AGBL4: variants seen among roughly 807,000 people sequenced by gnomAD.
The protein encoded by AGBL4 is AGBL carboxypeptidase 4, also known as cytosolic carboxypeptidase 6.
AGBL4 carries 58 observed loss-of-function variants against 66.4 expected under a neutral mutation model. That is an observed-to-expected ratio of 0.87 (90% CI 0.71 to 1.09). AGBL4 has a LOEUF of 1.09. Ranked by LOEUF, AGBL4 falls within the 50% of genes least tolerant of loss-of-function variation. AGBL4 has a pLI of 0.00. For synonymous variants in AGBL4, 234 were observed against 222.9 expected, an observed-to-expected ratio of 1.05 and a Z score of -0.44; for missense variants, 579 against 631.0, an observed-to-expected ratio of 0.92 and a Z score of 0.88.
chr1:49,517,621 A>C (rs1649939072), intron 3 of AGBL4, among the ~76,000 whole-genome samples: 1 of 151,994 alleles, frequency 6.6e-6, no homozygotes, highest in African/African-American at 2.4e-5. Context: ...TTAATAAAGC[A>C]CTACTACCTC....
At chr1:48,572,053 T>C (rs1399000183) in intron 11 of AGBL4, among the ~76,000 whole-genome samples, 2 of 152,010 alleles carry the variant, frequency 1.3e-5, no homozygotes, top group Non-Finnish European at 1.5e-5. Flanking sequence ...ATCTGAACTA[T>C]GGTATGAGGA....
chr1:49,435,174 T>C (rs113631087), intron 3 of AGBL4, among the ~76,000 whole-genome samples: 2 of 152,230 alleles, frequency 1.3e-5, no homozygotes, highest in Non-Finnish European at 1.5e-5. Context: ...ATTTACTTAA[T>C]GTATGTCTTT....
intron 4 of AGBL4, among the ~76,000 whole-genome samples, chr1:49,054,130 T>C (rs1241038809): frequency 6.6e-6 from 1 of 152,100 alleles, no homozygotes; most frequent in Non-Finnish European, 1.5e-5. Flanking sequence ...TTTAAAATAA[T>C]TTTGATCATT....
In AGBL4 at chr1:49,400,316, G is replaced by A. The variant is rs543826629; in HGVS notation, c.283-154452C>T. On this transcript the variant is annotated intron_variant, in intron 3 of 13. Transcript: ENST00000371839. ...AGCATAATCTGAAGTCAGGTAATGT[G>A]ATTCCTCCAGTTTTGTTCTTTTTGC... Among the ~76,000 whole-genome samples, 9 of 152,242 alleles carry A rather than the reference G, an allele frequency of 5.9e-5. 1 individual carries two copies. The highest frequency in any genetic ancestry group is 5.2e-4 in the Admixed American group (8 of 15,292).
intron 5 of AGBL4, among the ~76,000 whole-genome samples, chr1:48,897,937 C>G (rs4303114): frequency 0.9 from 136,581 of 151,824 alleles, 61,825 homozygotes; most frequent in Non-Finnish European, 0.96. Context: ...AGCCTCCCGA[C>G]TAGCTGGGAC....
chr1:49,347,598 G>A (rs1014883210), intron 3 of AGBL4, among the ~76,000 whole-genome samples: 2 of 151,956 alleles, frequency 1.3e-5, no homozygotes, highest in African/African-American at 4.8e-5. Flanking sequence ...GGAGGCTCAC[G>A]CCTGTAATCC....
At chr1:48,678,871 TG>T (rs1439062287) in intron 6 of AGBL4, among the ~76,000 whole-genome samples, 9 of 152,214 alleles carry the variant, frequency 5.9e-5, no homozygotes, top group African/African-American at 2.2e-4. Context: ...ATTTTAAAGC[TG>T]CCAGCACCAT....
chr1:48,694,746 T>A (rs922734929), intron 6 of AGBL4, among the ~76,000 whole-genome samples: 5 of 152,176 alleles, frequency 3.3e-5, no homozygotes, highest in African/African-American at 1.2e-4. Context: ...GTCCAGAGGA[T>A]GATAAGACAC....
intron 2 of AGBL4, among the ~76,000 whole-genome samples, chr1:49,727,469 A>G (rs930174772): frequency 6.6e-6 from 1 of 152,178 alleles, no homozygotes; most frequent in Non-Finnish European, 1.5e-5. Context: ...TATGAGAAAG[A>G]ACACTCGAAA....
At chr1:49,089,278 T>G (rs1375310652) in intron 4 of AGBL4, among the ~76,000 whole-genome samples, 1 of 149,206 alleles carries the variant, frequency 6.7e-6, no homozygotes, top group African/African-American at 2.5e-5. Context: ...GAAATTGAGA[T>G]GGGAAAAAAA....
chr1:49,366,890 C>T (rs12081125), intron 3 of AGBL4, among the ~76,000 whole-genome samples: 10 of 152,132 alleles, frequency 6.6e-5, no homozygotes, highest in African/African-American at 2.2e-4. Context: ...GAAGACTCAG[C>T]TATAACAAAA....
intron 1 of AGBL4, among the ~76,000 whole-genome samples, chr1:49,988,488 T>C (rs186937578): frequency 6.6e-4 from 101 of 152,260 alleles, no homozygotes; most frequent in Middle Eastern, 3.4e-3. Flanking sequence ...CTCAGTGATA[T>C]AGAATGTTTC....
chr1:48,561,426 C>T (rs1056702736), intron 11 of AGBL4, among the ~76,000 whole-genome samples: 3 of 152,176 alleles, frequency 2.0e-5, no homozygotes, highest in Non-Finnish European at 2.9e-5. Flanking sequence ...CTCGTGATCA[C>T]ACTGTCTGAC....
intron 8 of AGBL4, among the ~76,000 whole-genome samples, chr1:48,645,868 G>C (rs925784938): frequency 8.5e-5 from 13 of 152,150 alleles, no homozygotes; most frequent in Non-Finnish European, 1.9e-4. Flanking sequence ...CAGCGGGAAG[G>C]ACAGGGAGGG....
At chr1:48,540,988 C>G (rs1295813736) in intron 11 of AGBL4, among the ~76,000 whole-genome samples, 1 of 152,170 alleles carries the variant, frequency 6.6e-6, no homozygotes, top group Non-Finnish European at 1.5e-5. Flanking sequence ...CCTTCAAAGT[C>G]CAAATCTCTG....
At chr1:48,887,030 CA>C (rs1268702709) in intron 5 of AGBL4, among the ~76,000 whole-genome samples, 1 of 152,090 alleles carries the variant, frequency 6.6e-6, no homozygotes, top group Non-Finnish European at 1.5e-5. Context: ...GGCATCTTGA[CA>C]AATTTCCTAA....
chr1:49,875,350 C>A (rs1302396939), intron 1 of AGBL4, among the ~76,000 whole-genome samples: 1 of 121,148 alleles, frequency 8.3e-6, no homozygotes, highest in Non-Finnish European at 1.7e-5. Flanking sequence ...TATTCCCCTT[C>A]CTGTGTCCAT....
At chr1:49,390,249 C>A (rs984868370) in intron 3 of AGBL4, among the ~76,000 whole-genome samples, 5 of 152,214 alleles carry the variant, frequency 3.3e-5, no homozygotes, top group African/African-American at 1.2e-4. Flanking sequence ...AGGATCTGTC[C>A]ACTATGCTGT....
chr1:49,134,852 TG>T (rs1434991149), intron 4 of AGBL4, among the ~76,000 whole-genome samples: 1 of 152,056 alleles, frequency 6.6e-6, no homozygotes, highest in Non-Finnish European at 1.5e-5. Context: ...GAGTATTGAT[TG>T]GGGAAGTGAT....
Sources: gnomAD v4.1 joint callset for allele counts (sites outside exome capture counted in the v4.1 genomes callset) on GRCh38, gnomAD v4.1.1 for gene constraint, MANE v1.5 for transcripts, NCBI Gene and HGNC (gene_info 2026-07-23, HGNC 2026-07-21) for gene names.